The following SLC8A1 variants were observed in gnomAD, a reference collection of about 807,000 sequenced individuals.
SLC8A1 encodes the protein sodium/calcium exchanger 1.
In SLC8A1, 18 loss-of-function variants were observed where a neutral mutation model predicts 68.3. The ratio of observed to expected loss-of-function variants is 0.26; its 90% CI spans 0.18 to 0.39. SLC8A1 has a LOEUF of 0.39. Ranked by LOEUF, SLC8A1 falls within the 10% of genes least tolerant of loss-of-function variation. The pLI is 1.00. For missense variants in SLC8A1, 985 were observed against 1,156.7 expected (o/e 0.85, Z 2.15); for synonymous variants, 475 against 415.5 (o/e 1.14, Z -1.74).
chr2:40,170,310 G>T, intron 4 of SLC8A1: 2 of 1,614,016 alleles, frequency 1.2e-6, no homozygotes, highest in Non-Finnish European at 8.5e-7. Context: ...AGAGAGAATC[G>T]GATGTTCTCT....
At chr2:40,507,097 TTTC>T (rs1048254921) in intron 1 of SLC8A1, among the ~76,000 whole-genome samples, 4 of 152,142 alleles carry the variant, frequency 2.6e-5, no homozygotes, top group African/African-American at 9.6e-5. Context: ...GTCGAGTGGA[TTTC>T]TTATTGTTCA....
chr2:40,361,917 T>TTTTG (rs1674754114), intron 2 of SLC8A1, among the ~76,000 whole-genome samples: 1 of 119,558 alleles, frequency 8.4e-6, no homozygotes, highest in East Asian at 2.1e-4. Flanking sequence ...TTTTTTTTTT[T>TTTTG]GGAGACAGAG....
chr2:40,187,096 A>G (rs140523656), intron 2 of SLC8A1, among the ~76,000 whole-genome samples: 3 of 152,296 alleles, frequency 2.0e-5, no homozygotes, highest in Middle Eastern at 3.4e-3. Context: ...TCAATGGAGT[A>G]ATAAGCAATA....
At chr2:40,288,920 A>T (rs967020039) in intron 2 of SLC8A1, among the ~76,000 whole-genome samples, 108 of 146,932 alleles carry the variant, frequency 7.4e-4, no homozygotes, top group Non-Finnish European at 1.3e-3. Context: ...GGCTGGTCTC[A>T]ATCTCCTAGC....
At chr2:40,357,122 G>C (rs1410433185) in intron 2 of SLC8A1, among the ~76,000 whole-genome samples, 2 of 152,136 alleles carry the variant, frequency 1.3e-5, no homozygotes, top group Non-Finnish European at 2.9e-5. Context: ...CTTCATCAGA[G>C]CAAATAACCT....
intron 2 of SLC8A1, among the ~76,000 whole-genome samples, chr2:40,335,862 G>C (rs1434597780): frequency 1.3e-5 from 2 of 152,214 alleles, no homozygotes; most frequent in African/African-American, 4.8e-5. Context: ...AGTGGAATGA[G>C]CCTATCAGAG....
At chr2:40,469,019 T>C (rs1303342960) in intron 1 of SLC8A1, among the ~76,000 whole-genome samples, 1 of 152,202 alleles carries the variant, frequency 6.6e-6, no homozygotes, top group East Asian at 1.9e-4. Flanking sequence ...GAAGTCTGTA[T>C]TTCATAAGTG....
At chr2:40,410,538 ATATAGTAAT>A (rs1447001086) in intron 2 of SLC8A1, among the ~76,000 whole-genome samples, 1 of 152,050 alleles carries the variant, frequency 6.6e-6, no homozygotes, top group African/African-American at 2.4e-5. Context: ...TATGATGAAA[ATATAGTAAT>A]TATAATTATT....
intron 2 of SLC8A1, among the ~76,000 whole-genome samples, chr2:40,412,462 A>G (rs553687856): frequency 6.6e-6 from 1 of 152,312 alleles, no homozygotes; most frequent in East Asian, 1.9e-4. Flanking sequence ...AGCAAGTTAT[A>G]GCATTCATTG....
chr2:40,300,602 A>C (rs1014807883), intron 2 of SLC8A1, among the ~76,000 whole-genome samples: 1 of 152,170 alleles, frequency 6.6e-6, no homozygotes, highest in South Asian at 2.1e-4. Context: ...GGAATTCTCC[A>C]CAGTTCAAAC....
chr2:40,464,622 G>A (rs1003799652), intron 1 of SLC8A1, among the ~76,000 whole-genome samples: 1 of 152,184 alleles, frequency 6.6e-6, no homozygotes, highest in African/African-American at 2.4e-5. Context: ...CTACAGAGGA[G>A]GAATGGAGTG....
chr2:40,282,456 G>C (rs1402949920), intron 2 of SLC8A1, among the ~76,000 whole-genome samples: 32 of 152,146 alleles, frequency 2.1e-4, no homozygotes, highest in Admixed American at 2.1e-3. Flanking sequence ...AGGATGTCTA[G>C]TTTGAAAGTT....
chr2:40,153,785 G>C (rs1259193838), intron 6 of SLC8A1, among the ~76,000 whole-genome samples: 1 of 152,256 alleles, frequency 6.6e-6, no homozygotes, highest in East Asian at 1.9e-4. Context: ...CCTTATGATG[G>C]GATTTAGTCT....
intron 2 of SLC8A1, chr2:40,223,663 A>G (rs1225852927): frequency 2.0e-5 from 3 of 152,122 alleles, no homozygotes; most frequent in East Asian, 3.9e-4. Context: ...AAAAAGACCA[A>G]TTTGCAACTA....
exon 2 of SLC8A1, chr2:40,429,907 G>A (rs1376242713): frequency 1.2e-6 from 2 of 1,613,404 alleles, no homozygotes; most frequent in Non-Finnish European, 1.7e-6. Context: ...CCTCACAGTT[G>A]TCTTGGTGGT....
chr2:40,508,543 T>C (rs1201015831), intron 1 of SLC8A1, among the ~76,000 whole-genome samples: 1 of 152,086 alleles, frequency 6.6e-6, no homozygotes, highest in Non-Finnish European at 1.5e-5. Context: ...ATATATATTT[T>C]ATAGCTTTCA....
intron 1 of SLC8A1, among the ~76,000 whole-genome samples, chr2:40,507,553 CA>C (rs1237590959): frequency 1.3e-5 from 2 of 152,002 alleles, no homozygotes; most frequent in African/African-American, 4.8e-5. Flanking sequence ...ATCTTTCACA[CA>C]TTAATTTTAT....
At chr2:40,370,927 C>CA (rs1677820559) in intron 2 of SLC8A1, among the ~76,000 whole-genome samples, 1 of 152,048 alleles carries the variant, frequency 6.6e-6, no homozygotes. Flanking sequence ...TTTTATTTAG[C>CA]ATGACTTAGT....
At chr2:40,152,207 G>A (rs1205549920) in intron 6 of SLC8A1, among the ~76,000 whole-genome samples, 1 of 152,172 alleles carries the variant, frequency 6.6e-6, no homozygotes, top group Non-Finnish European at 1.5e-5. Context: ...CAGAAAGTAT[G>A]TATTTCTTGA....
Sources: allele counts gnomAD v4.1 joint callset (sites outside exome capture counted in the v4.1 genomes callset), GRCh38; gene constraint gnomAD v4.1.1; transcripts MANE v1.5; gene names NCBI Gene and HGNC (gene_info 2026-07-23, HGNC 2026-07-21).